Variants in HYDIN observed in about 807,000 individuals in gnomAD.
The protein encoded by HYDIN is axonemal central pair apparatus protein HYDIN.
A neutral mutation model predicts 403.9 loss-of-function variants in HYDIN; 132 were observed. The ratio of observed to expected loss-of-function variants is 0.33; its 90% CI spans 0.28 to 0.38. The LOEUF is 0.38. Ranked by LOEUF, HYDIN falls within the 10% of genes least tolerant of loss-of-function variation. HYDIN has a pLI of 1.00. For missense variants in HYDIN, 2,827 were observed against 5,009.5 expected, an observed-to-expected ratio of 0.56 and a Z score of 13.15; for synonymous variants, 1,202 against 1,891.7, an observed-to-expected ratio of 0.64 and a Z score of 9.46.
At chr16:70,940,983 T>G (rs1440367079) in intron 43 of HYDIN, among the ~76,000 whole-genome samples, 1 of 151,826 alleles carries the variant, frequency 6.6e-6, no homozygotes, top group Non-Finnish European at 1.5e-5. Context: ...TCTGACTACA[T>G]TGGGAACTTA....
intron 1 of HYDIN, among the ~76,000 whole-genome samples, chr16:71,217,606 C>G (rs2088957204): frequency 6.6e-6 from 1 of 152,154 alleles, no homozygotes; most frequent in Admixed American, 6.5e-5. Context: ...GAAGTTGAAC[C>G]TGACCTATGG....
chr16:70,926,375 A>T (rs1361602259), intron 45 of HYDIN, among the ~76,000 whole-genome samples: 1 of 149,702 alleles, frequency 6.7e-6, no homozygotes, highest in African/African-American at 2.5e-5. Context: ...AAAACCAAAC[A>T]CCGCATGTTC....
intron 1 of HYDIN, among the ~76,000 whole-genome samples, chr16:71,210,074 G>A (rs1473997594): frequency 6.6e-6 from 1 of 152,162 alleles, no homozygotes; most frequent in Non-Finnish European, 1.5e-5. Context: ...GAGTAAATTA[G>A]CTCAACCATT....
At chr16:71,207,913 A>G (rs2088383581) in intron 1 of HYDIN, among the ~76,000 whole-genome samples, 1 of 152,174 alleles carries the variant, frequency 6.6e-6, no homozygotes, top group Non-Finnish European at 1.5e-5. Context: ...GTGCACCCAG[A>G]TTCATAAAGC....
rs1418478894 is a variant in HYDIN, at chr16:71,014,337, C to T, written c.3644+3792G>A. Among the ~76,000 whole-genome samples the T allele has an allele frequency of 6.3e-5, 6 of 94,606 alleles. 1 individual carries two copies. The highest frequency in any genetic ancestry group is 1.5e-4 in the African/African-American group (2 of 13,384). The allele number at this position is 94,606 out of a possible 152,430, so 62.1% of individuals were successfully genotyped here. A position where few individuals can be genotyped will look rare whatever the true frequency, so the allele number is the denominator to read the frequency against. On this transcript the variant is annotated intron_variant, in intron 23 of 85. Transcript: ENST00000393567. Reference sequence around the variant, plus strand: ...TCTCCCACCCAGTGAGGTCTGCCCACCAGCCACGCTGACATACCCTCCGCC... The same window carrying T: ...TCTCCCACCCAGTGAGGTCTGCCCATCAGCCACGCTGACATACCCTCCGCC...
intron 1 of HYDIN, among the ~76,000 whole-genome samples, chr16:71,219,406 A>C (rs947024053): frequency 3.9e-5 from 6 of 152,174 alleles, no homozygotes; most frequent in African/African-American, 1.2e-4. Context: ...AAGTCAACCA[A>C]GTTGACTTTT....
intron 59 of HYDIN, 51 bp downstream of exon 59, chr16:70,883,869 T>C (rs2040962390): frequency 1.3e-6 from 2 of 1,567,384 alleles, no homozygotes; most frequent in East Asian, 4.5e-5. Flanking sequence ...CTGCACCAGG[T>C]CTCAGATGAA....
chr16:71,148,275 C>T (rs892101585), intron 7 of HYDIN, among the ~76,000 whole-genome samples: 1 of 151,970 alleles, frequency 6.6e-6, no homozygotes, highest in African/African-American at 2.4e-5. Flanking sequence ...CTATAGCAAA[C>T]GTCATACTAA....
At chr16:70,996,495 G>C (rs934146695) in intron 23 of HYDIN, among the ~76,000 whole-genome samples, 1 of 151,950 alleles carries the variant, frequency 6.6e-6, no homozygotes, top group Non-Finnish European at 1.5e-5. Flanking sequence ...TTCCCCACTT[G>C]TGCACTATGG....
intron 13 of HYDIN, among the ~76,000 whole-genome samples, chr16:71,077,713 A>C (rs1465172254): frequency 2.0e-5 from 3 of 151,852 alleles, no homozygotes; most frequent in African/African-American, 7.3e-5. Context: ...TTCAACATTA[A>C]ATTGTAATAT....
At chr16:70,947,523 C>T (rs1264721011) in intron 41 of HYDIN, among the ~76,000 whole-genome samples, 8 of 151,180 alleles carry the variant, frequency 5.3e-5, no homozygotes, top group Admixed American at 4.6e-4. Flanking sequence ...TGTCTCTGCC[C>T]GGCTTTGGTA....
intron 5 of HYDIN, among the ~76,000 whole-genome samples, chr16:71,168,586 T>C (rs9933375): frequency 0.046 from 7,021 of 151,516 alleles, 487 homozygotes; most frequent in African/African-American, 0.16. Context: ...CTCAACAGTG[T>C]CATCAGAGAC....
At chr16:71,093,199 T>C (rs1410590496) in intron 11 of HYDIN, among the ~76,000 whole-genome samples, 1 of 152,200 alleles carries the variant, frequency 6.6e-6, no homozygotes, top group Non-Finnish European at 1.5e-5. Context: ...TCTGATGTAA[T>C]GTAAAAAATG....
rs372158735 is a variant in HYDIN at position 71,108,620 on chromosome 16, G to A, written c.1327+7076C>T. Among the ~76,000 whole-genome samples, 36 of 151,912 alleles carry A rather than the reference G, an allele frequency of 2.4e-4. 1 individual carries two copies. Among genetic ancestry groups the A allele is most frequent in the African/African-American group, 7.5e-4 (31 of 41,408 alleles). Reference sequence around the variant, plus strand: ...AATGTATTATCTGAAAGTTCTGGACGTCAAAAGTCCAAAGTGATCTGATCG... The same window carrying A: ...AATGTATTATCTGAAAGTTCTGGACATCAAAAGTCCAAAGTGATCTGATCG... On this transcript the variant is annotated intron_variant, in intron 10 of 85. Transcript: ENST00000393567.
At chr16:71,179,269 G>A (rs1227972733) in intron 3 of HYDIN, among the ~76,000 whole-genome samples, 2 of 151,420 alleles carry the variant, frequency 1.3e-5, no homozygotes, top group Admixed American at 1.3e-4. Context: ...AACTTTCAAG[G>A]AGCAAAAACA....
chr16:71,183,137 G>A (rs1321745449), intron 3 of HYDIN, among the ~76,000 whole-genome samples: 2 of 152,118 alleles, frequency 1.3e-5, no homozygotes, highest in African/African-American at 4.8e-5. Flanking sequence ...GCTTAAACTG[G>A]AATGGTGGTG....
intron 10 of HYDIN, chr16:71,113,977 G>C (rs2083925095): frequency 6.6e-6 from 1 of 150,534 alleles, no homozygotes; most frequent in African/African-American, 2.5e-5. Flanking sequence ...GTTTCCTCCT[G>C]ATTAGATCCA....
intron 9 of HYDIN, among the ~76,000 whole-genome samples, chr16:71,116,161 G>A (rs1017196475): frequency 3.0e-4 from 44 of 146,400 alleles, no homozygotes; most frequent in Non-Finnish European, 4.8e-4. Flanking sequence ...CCCCATTTCC[G>A]CCCCCAATCC....
intron 18 of HYDIN, among the ~76,000 whole-genome samples, chr16:71,046,865 A>C (rs1355900669): frequency 6.6e-6 from 1 of 152,216 alleles, no homozygotes; most frequent in Admixed American, 6.5e-5. Flanking sequence ...ACAAAACAGG[A>C]AGAGTCAATG....
Sources: allele counts gnomAD v4.1 joint callset (sites outside exome capture counted in the v4.1 genomes callset), GRCh38; gene constraint gnomAD v4.1.1; transcripts MANE v1.5; gene names NCBI Gene and HGNC (gene_info 2026-07-23, HGNC 2026-07-21).